Variants in L2HGDH observed in about 807,000 individuals in gnomAD.
The protein encoded by L2HGDH is L-2-hydroxyglutarate dehydrogenase, mitochondrial.
L2HGDH carries 34 observed loss-of-function variants against 51.5 expected under a neutral mutation model. The ratio of observed to expected loss-of-function variants is 0.66; its 90% CI spans 0.50 to 0.88. The LOEUF (loss-of-function observed/expected upper bound fraction) is 0.88, where lower values mean the gene tolerates loss of function less well. Ranked by LOEUF, L2HGDH falls within the 40% of genes least tolerant of loss-of-function variation. The pLI is 0.00. For missense variants in L2HGDH, 558 were observed against 571.9 expected, an observed-to-expected ratio of 0.98 and a Z score of 0.25; for synonymous variants, 198 against 197.9, an observed-to-expected ratio of 1.00 and a Z score of -0.01.
intron 9 of L2HGDH, among the ~76,000 whole-genome samples, chr14:50,257,528 CCT>C (rs1272354709): frequency 6.6e-6 from 1 of 151,950 alleles, no homozygotes; most frequent in African/African-American, 2.4e-5. Flanking sequence ...TACCACCATA[CCT>C]GGTTAATTTT....
intron 6 of L2HGDH, among the ~76,000 whole-genome samples, chr14:50,273,242 G>T (rs1198124245): frequency 6.6e-6 from 1 of 152,150 alleles, no homozygotes; most frequent in East Asian, 1.9e-4. Flanking sequence ...CTTGGCCAAG[G>T]ACAATTTTAA....
At chr14:50,250,904 C>A (rs946797447) in intron 9 of L2HGDH, among the ~76,000 whole-genome samples, 1 of 152,180 alleles carries the variant, frequency 6.6e-6, no homozygotes, top group Non-Finnish European at 1.5e-5. Flanking sequence ...AGGACAGGCA[C>A]AAACAAGCTC....
intron 9 of L2HGDH, among the ~76,000 whole-genome samples, chr14:50,250,005 G>A (rs1305152756): frequency 1.4e-5 from 2 of 142,066 alleles, no homozygotes; most frequent in African/African-American, 2.6e-5. Context: ...GGGCTCAAGC[G>A]ATTCTCCTGC....
At chr14:50,257,402 C>T (rs1302971040) in intron 9 of L2HGDH, among the ~76,000 whole-genome samples, 1 of 150,308 alleles carries the variant, frequency 6.7e-6, no homozygotes, top group African/African-American at 2.5e-5. Context: ...CAGGGTCTTG[C>T]TCTGTTGCCC....
At chr14:50,270,475 T>C (rs2139985747) in intron 6 of L2HGDH, among the ~76,000 whole-genome samples, 1 of 148,242 alleles carries the variant, frequency 6.7e-6, no homozygotes, top group South Asian at 2.2e-4. Flanking sequence ...ATTTTCTTTC[T>C]TTCCAGGCCT....
chr14:50,244,614 A>T lies in L2HGDH; in HGVS notation c.*2444T>A, dbSNP rs1887921852. ...TCATTGATATCTGAATGCTTTTAAT[A>T]TACTCATCCTAAGAGTTGAATAATG... is the stretch of plus-strand genomic sequence containing the variant. On this transcript the variant is annotated 3_prime_UTR_variant, in exon 10 of 10. Coordinates refer to ENST00000267436, the MANE Select transcript of L2HGDH (RefSeq NM_024884.3). 3.0e-6 allele frequency: 3 copies of T among 985,458 alleles called. No homozygotes were observed. The highest frequency in any genetic ancestry group is 3.6e-6 in the Non-Finnish European group (3 of 829,938). The allele number at this position is 985,458 out of a possible 1,614,324, so 61.0% of individuals were successfully genotyped here. A position where few individuals can be genotyped will look rare whatever the true frequency, so the allele number is the denominator to read the frequency against.
intron 9 of L2HGDH, among the ~76,000 whole-genome samples, chr14:50,248,208 T>C (rs998120048): frequency 1.3e-5 from 2 of 152,238 alleles, no homozygotes; most frequent in African/African-American, 2.4e-5. Flanking sequence ...TCCAATGTTT[T>C]TGAACTACAA....
intron 9 of L2HGDH, among the ~76,000 whole-genome samples, chr14:50,248,153 TTTG>T (rs1160690611): frequency 6.6e-6 from 1 of 152,176 alleles, no homozygotes; most frequent in African/African-American, 2.4e-5. Flanking sequence ...CTCACAGATT[TTTG>T]TTGTTTTTTT....
chr14:50,278,173 T>C (rs982361037), intron 6 of L2HGDH, among the ~76,000 whole-genome samples: 4 of 152,226 alleles, frequency 2.6e-5, no homozygotes, highest in African/African-American at 9.6e-5. Context: ...CATCTCCCTC[T>C]GGACAACCTG....
intron 9 of L2HGDH, among the ~76,000 whole-genome samples, chr14:50,257,155 C>T (rs901643645): frequency 1.2e-4 from 18 of 152,102 alleles, no homozygotes; most frequent in African/African-American, 4.1e-4. Context: ...TCTTAAACTC[C>T]TAACCTCAGG....
In L2HGDH at chr14:50,269,244, A is replaced by T; in HGVS notation, c.825T>A (p.Asp275Glu). ...CTCCCCGGAATGGTACAATTCGAGG[A>T]TCAGGAGTGCAGCCACTCAACTCTG... ...RISELSGCTP[D>E]PRIVPFRGDY... Residue 275 changes from aspartate to glutamate, a missense_variant, in exon 7 of 10, where the codon GAT becomes GAA. Asp to Glu is a conservative substitution (Grantham distance 45). Transcript: ENST00000267436. The T allele has an allele frequency of 6.2e-7, 1 of 1,614,002 alleles. No individual in the cohort carries two copies. Among genetic ancestry groups the T allele is most frequent in the Non-Finnish European group, 8.5e-7 (1 of 1,179,910 alleles).
chr14:50,308,795 A>G (rs1020696307), intron 1 of L2HGDH, among the ~76,000 whole-genome samples: 1 of 152,226 alleles, frequency 6.6e-6, no homozygotes, highest in African/African-American at 2.4e-5. Context: ...TGTTCATACA[A>G]AAACCTGAAC....
At chr14:50,291,615 G>T (rs1020161187) in intron 4 of L2HGDH, among the ~76,000 whole-genome samples, 3 of 152,166 alleles carry the variant, frequency 2.0e-5, no homozygotes. Context: ...CGTCTTAGGA[G>T]CTTTACATGA....
intron 6 of L2HGDH, among the ~76,000 whole-genome samples, chr14:50,273,831 C>G (rs1202664509): frequency 2.0e-5 from 3 of 152,082 alleles, no homozygotes; most frequent in Non-Finnish European, 4.4e-5. Flanking sequence ...CTGTAATCCC[C>G]GCACTTTGGG....
intron 9 of L2HGDH, among the ~76,000 whole-genome samples, chr14:50,252,027 A>G (rs544990761): frequency 4.0e-4 from 61 of 152,226 alleles, no homozygotes; most frequent in African/African-American, 1.4e-3. Context: ...GAAAGATTAA[A>G]TGATGAACCA....
chr14:50,265,569 T>A, intron 8 of L2HGDH, 80 bp from the exon 9 acceptor site: 1 of 1,257,874 alleles, frequency 7.9e-7, no homozygotes, highest in Non-Finnish European at 1.1e-6. Context: ...ATTAGATTCT[T>A]TTTTTATGTC....
intron 4 of L2HGDH, among the ~76,000 whole-genome samples, chr14:50,288,566 G>T (rs1470297757): frequency 6.6e-6 from 1 of 152,142 alleles, no homozygotes; most frequent in Non-Finnish European, 1.5e-5. Context: ...GAGTAGCTGG[G>T]ATTACAGGCA....
Position 50,294,130 on chromosome 14 carries a change from C to T in L2HGDH, c.525G>A (p.Lys175=). The part of the protein sequence containing the change: ...RLIQQEDIKK[K]EPYCRGLMAI... ...AATCACTTACCCTACAATATGGCTC[C>T]TTCTTTTTTATATCCTCCTGCTGGA... Residue 175 remains lysine (K), a synonymous_variant, in exon 4 of 10, where the codon AAG becomes AAA. Transcript: ENST00000267436. The T allele has an allele frequency of 1.2e-6, 2 of 1,613,912 alleles. No individual in the cohort carries two copies. Among genetic ancestry groups the T allele is most frequent in the Non-Finnish European group, 1.7e-6 (2 of 1,179,906 alleles).
intron 4 of L2HGDH, among the ~76,000 whole-genome samples, chr14:50,291,211 AAAAAAAAAAAAAAC>A (rs1890868167): frequency 6.6e-6 from 1 of 151,116 alleles, no homozygotes; most frequent in Non-Finnish European, 1.5e-5. Context: ...AAAAAAAAAA[AAAAAAAAAAAAAAC>A]AAACAAAAAA....
Sources: allele counts gnomAD v4.1 joint callset (sites outside exome capture counted in the v4.1 genomes callset), GRCh38; gene constraint gnomAD v4.1.1; transcripts MANE v1.5; gene names NCBI Gene and HGNC (gene_info 2026-07-23, HGNC 2026-07-21).